PTPN1: variants seen among roughly 807,000 people sequenced by gnomAD.
PTPN1 encodes the protein protein tyrosine phosphatase non-receptor type 1.
PTPN1 carries 12 observed loss-of-function variants against 59.9 expected under a neutral mutation model. The ratio of observed to expected loss-of-function variants is 0.20; its 90% confidence interval spans 0.13 to 0.32. The LOEUF is 0.32. Ranked by LOEUF, PTPN1 falls within the 10% of genes least tolerant of loss-of-function variation. PTPN1 has a pLI of 1.00. For missense variants in PTPN1, 356 were observed against 549.2 expected, an observed-to-expected ratio of 0.65 and a Z score of 3.52; for synonymous variants, 178 against 203.6, an observed-to-expected ratio of 0.87 and a Z score of 1.07.
At chr20:50,571,839 AATTGGC>A (rs1274470060) in intron 4 of PTPN1, 1 of 152,212 alleles carries the variant, frequency 6.6e-6, no homozygotes, top group Non-Finnish European at 1.5e-5. Flanking sequence ...AGGTGAGTTT[AATTGGC>A]CATTGCAGAA....
chr20:50,553,143 C>G (rs1002323521), intron 1 of PTPN1, among the ~76,000 whole-genome samples: 1 of 152,048 alleles, frequency 6.6e-6, no homozygotes, highest in African/African-American at 2.4e-5. Context: ...CAAAACAGTG[C>G]CTGACACACA....
chr20:50,582,648 A>G lies in PTPN1; in HGVS notation c.1285-44A>G, dbSNP rs754620060. 2 of 1,609,654 alleles carry G rather than the reference A, an allele frequency of 1.2e-6. No individual in the cohort carries two copies. Among genetic ancestry groups the G allele is most frequent in the Non-Finnish European group, 1.7e-6 (2 of 1,177,740 alleles). ...GTCATGCATGAGGCGACAGCTCTGCAGGTGCGGGTCTGGGCTCATCTGAAC... is the reference window on the plus strand; with the variant it reads ...GTCATGCATGAGGCGACAGCTCTGCGGGTGCGGGTCTGGGCTCATCTGAAC... On this transcript the variant is annotated intron_variant, in intron 9 of 9. Transcript: ENST00000371621. This position sits in a 1 kb window ranked among gnomAD's most constrained non-coding sequence, Gnocchi z 4.2.
chr20:50,563,797 C>G (rs1214467083), intron 2 of PTPN1, among the ~76,000 whole-genome samples: 1 of 152,120 alleles, frequency 6.6e-6, no homozygotes, highest in African/African-American at 2.4e-5. Context: ...AGGTCCCCAC[C>G]TGCTCTTATT....
intron 1 of PTPN1, among the ~76,000 whole-genome samples, chr20:50,550,403 CA>C (rs1451597665): frequency 6.6e-6 from 1 of 152,214 alleles, no homozygotes; most frequent in African/African-American, 2.4e-5. Flanking sequence ...ACTTTTAAAA[CA>C]GAGATCACTT....
chr20:50,531,915 AG>A (rs1475717538), intron 1 of PTPN1, among the ~76,000 whole-genome samples: 1 of 152,204 alleles, frequency 6.6e-6, no homozygotes, highest in African/African-American at 2.4e-5. Context: ...CTTCCCTATA[AG>A]GCTGCAGGGC....
At chr20:50,543,086 A>C (rs1005942278) in intron 1 of PTPN1, among the ~76,000 whole-genome samples, 34 of 152,238 alleles carry the variant, frequency 2.2e-4, no homozygotes, top group Admixed American at 3.9e-4. Context: ...AAGTCAGATA[A>C]CTGCCATGGA....
intron 1 of PTPN1, among the ~76,000 whole-genome samples, chr20:50,524,567 G>GTTTTTT (rs1386022104): frequency 9.4e-5 from 6 of 64,108 alleles, no homozygotes; most frequent in East Asian, 6.6e-4. Context: ...CCATTATGTG[G>GTTTTTT]TCTTTTTTTT....
At chr20:50,521,822 GCTTA>G (rs2122724475) in intron 1 of PTPN1, among the ~76,000 whole-genome samples, 1 of 152,348 alleles carries the variant, frequency 6.6e-6, no homozygotes, top group South Asian at 2.1e-4. Context: ...CACCGTCTGA[GCTTA>G]CACTGGCAGT....
chr20:50,582,006 G>A lies in PTPN1; in HGVS notation c.1284+546G>A, dbSNP rs6067489. On this transcript the variant is annotated intron_variant, in intron 9 of 9. Coordinates refer to ENST00000371621, the MANE Select transcript of PTPN1 (RefSeq NM_002827.4). This position sits in a 1 kb window ranked among gnomAD's most constrained non-coding sequence, Gnocchi z 4.2. ...AGGGTTAGGACGCTGTTGCGCTCAA[G>A]CCCCCCTCAGCTGTGTGCACACTGA... Among the ~76,000 whole-genome samples the A allele has an allele frequency of 6.6e-6, 1 of 152,212 alleles. No homozygotes were observed. Among genetic ancestry groups the A allele is most frequent in the East Asian group, 1.9e-4 (1 of 5,190 alleles).
intron 1 of PTPN1, among the ~76,000 whole-genome samples, chr20:50,541,178 G>GC (rs2082650513): frequency 6.6e-6 from 1 of 152,150 alleles, no homozygotes; most frequent in Non-Finnish European, 1.5e-5. Context: ...GCTAGAAAAT[G>GC]CCCCATGAGC....
intron 1 of PTPN1, among the ~76,000 whole-genome samples, chr20:50,546,938 G>A (rs560811744): frequency 9.9e-5 from 15 of 152,282 alleles, no homozygotes; most frequent in African/African-American, 3.6e-4. Context: ...AAGTTCTTAA[G>A]CTGTCATTAT....
intron 1 of PTPN1, among the ~76,000 whole-genome samples, chr20:50,514,393 T>A (rs544335949): frequency 6.6e-6 from 1 of 152,372 alleles, no homozygotes; most frequent in East Asian, 1.9e-4. Context: ...TGTGGAGGTT[T>A]TTTGACTTAG....
chr20:50,516,321 T>C (rs1332404188), intron 1 of PTPN1, among the ~76,000 whole-genome samples: 1 of 152,178 alleles, frequency 6.6e-6, no homozygotes, highest in East Asian at 1.9e-4. Context: ...TTGCTTTTTC[T>C]AGTGTCCCCT....
chr20:50,525,495 C>T (rs1215268471), intron 1 of PTPN1, among the ~76,000 whole-genome samples: 2 of 152,182 alleles, frequency 1.3e-5, no homozygotes, highest in African/African-American at 4.8e-5. Context: ...CCATATATGC[C>T]ATATAGATAA....
intron 1 of PTPN1, among the ~76,000 whole-genome samples, chr20:50,535,488 A>C (rs1397649729): frequency 1.3e-5 from 2 of 152,102 alleles, no homozygotes. Context: ...ATATTTTATT[A>C]TGAATACTCT....
At chr20:50,565,943 C>T (rs904212551) in intron 3 of PTPN1, among the ~76,000 whole-genome samples, 1 of 152,204 alleles carries the variant, frequency 6.6e-6, no homozygotes, top group African/African-American at 2.4e-5. Context: ...GGTCAGGGCG[C>T]GTTCAACTGA....
chr20:50,520,302 C>A (rs569079075), intron 1 of PTPN1, among the ~76,000 whole-genome samples: 1 of 147,092 alleles, frequency 6.8e-6, no homozygotes, highest in Non-Finnish European at 1.5e-5. Flanking sequence ...ATCTGGGAGG[C>A]GGAGGTTGCA....
chr20:50,578,235 A>G (rs2082846739), intron 5 of PTPN1, among the ~76,000 whole-genome samples, 185 bp from the exon 6 acceptor site: 1 of 152,212 alleles, frequency 6.6e-6, no homozygotes, highest in South Asian at 2.1e-4. Flanking sequence ...GTTCAGTGTC[A>G]AGCCCAGGGC....
intron 1 of PTPN1, among the ~76,000 whole-genome samples, chr20:50,515,626 A>G (rs1209239221): frequency 2.0e-5 from 3 of 152,130 alleles, no homozygotes; most frequent in Admixed American, 6.6e-5. Flanking sequence ...TCTATCTCCA[A>G]TGGAGCCCAA....
Sources: gnomAD v4.1 joint callset for allele counts (sites outside exome capture counted in the v4.1 genomes callset) on GRCh38, gnomAD v4.1.1 for gene constraint, Gnocchi (gnomAD v3.1) non-coding constraint, MANE v1.5 for transcripts, NCBI Gene and HGNC (gene_info 2026-07-23, HGNC 2026-07-21) for gene names.